Variants in JHY observed in about 807,000 individuals in gnomAD.
The protein encoded by JHY is jhy protein homolog.
A neutral mutation model predicts 78.0 loss-of-function variants in JHY; 69 were observed. That is an observed-to-expected ratio of 0.88 (90% CI 0.73 to 1.08). The LOEUF is 1.08. JHY is among the 50% of genes least tolerant of loss of function. The probability of loss-of-function intolerance (pLI) is 0.00; values close to 1 mark genes in which losing one functional copy is unlikely to be tolerated. For missense variants in JHY, 944 were observed against 927.8 expected (o/e 1.02, Z -0.23); for synonymous variants, 368 against 342.6 (o/e 1.07, Z -0.82).
rs369637494 is a variant in JHY, at chr11:122,950,638, G to A, written c.1929+3846G>A. Among the ~76,000 whole-genome samples the A allele has an allele frequency of 4.9e-4, 75 of 152,254 alleles. 1 individual carries two copies. In the South Asian group the frequency reaches 0.015, roughly 31 times the overall value. On this transcript the variant is annotated intron_variant, in intron 6 of 8. Coordinates refer to ENST00000227349, the MANE Select transcript of JHY (RefSeq NM_024806.4). Reference sequence around the variant, plus strand: ...TTCTTTCTTTTTGTAGACTTAGTGTGATGTTAAGTGAAATAATGTATTAAA... The same window carrying A: ...TTCTTTCTTTTTGTAGACTTAGTGTAATGTTAAGTGAAATAATGTATTAAA...
At chr11:122,928,649 TTTG>T (rs1362675400) in intron 4 of JHY, among the ~76,000 whole-genome samples, 3 of 152,066 alleles carry the variant, frequency 2.0e-5, no homozygotes, top group Admixed American at 6.5e-5. Flanking sequence ...TTGTTGGTTT[TTTG>T]TTGTTGTTGT....
chr11:122,887,011 T>C (rs1862509171), intron 2 of JHY, among the ~76,000 whole-genome samples: 1 of 152,234 alleles, frequency 6.6e-6, no homozygotes, highest in African/African-American at 2.4e-5. Context: ...ATGTGTGATA[T>C]CACTCTGTTA....
intron 4 of JHY, 121 bp downstream of exon 4, chr11:122,925,131 T>G: frequency 1.3e-6 from 1 of 771,230 alleles, no homozygotes; most frequent in Non-Finnish European, 2.1e-6. Context: ...AATTACCCAC[T>G]TTCCTATGGG....
In JHY at chr11:122,921,976, G is replaced by GA. The variant is rs1555053813; in HGVS notation, c.865-2911dup. Among the ~76,000 whole-genome samples, 149 of 148,028 alleles carry GA rather than the reference G, an allele frequency of 1.0e-3. 1 individual carries two copies. Among genetic ancestry groups the GA allele is most frequent in the African/African-American group, 1.6e-3 (66 of 40,478 alleles). Reference sequence around the variant, plus strand: ...AGCCTGGACCACAGAGCAAGATCTGGAAAAAAAAAAGAGAGAGAAAGAAGA... The same window carrying GA: ...AGCCTGGACCACAGAGCAAGATCTGGAAAAAAAAAAAGAGAGAGAAAGAAGA... On this transcript the variant is annotated intron_variant, in intron 3 of 8. Transcript: ENST00000227349.
intron 5 of JHY, 112 bp from the exon 6 acceptor site, chr11:122,946,381 AATTTG>A (rs1863958450): frequency 9.1e-7 from 1 of 1,104,172 alleles, no homozygotes; most frequent in Non-Finnish European, 1.3e-6. Context: ...AAAGGTCATT[AATTTG>A]ATTTGAGAGT....
At chr11:122,936,450 A>G (rs181362009) in intron 5 of JHY, among the ~76,000 whole-genome samples, 4 of 152,020 alleles carry the variant, frequency 2.6e-5, no homozygotes, top group Non-Finnish European at 5.9e-5. Context: ...CTGATTTTAG[A>G]AAGATTGTTT....
chr11:122,935,197 C>A lies in JHY; in HGVS notation c.1634+122C>A. ...GTGGCTAGGTGAGAAGAAGAGTTCA[C>A]CTAACAACTTCCTTAGCTCTGATTC... On this transcript the variant is annotated intron_variant, in intron 5 of 8. Coordinates refer to ENST00000227349, the MANE Select transcript of JHY (RefSeq NM_024806.4). This position sits in a 1 kb window ranked among gnomAD's most constrained non-coding sequence, Gnocchi z 4.5. 1 of 858,952 alleles carries A rather than the reference C, an allele frequency of 1.2e-6. No homozygotes were observed. Among genetic ancestry groups the A allele is most frequent in the South Asian group, 2.3e-5 (1 of 44,298 alleles). The allele number at this position is 858,952 out of a possible 1,614,324, so 53.2% of individuals were successfully genotyped here. A position where few individuals can be genotyped will look rare whatever the true frequency, so the allele number is the denominator to read the frequency against.
intron 3 of JHY, among the ~76,000 whole-genome samples, chr11:122,908,656 G>A (rs573769029): frequency 6.6e-5 from 10 of 152,176 alleles, no homozygotes; most frequent in Non-Finnish European, 1.3e-4. Context: ...GTGGGTAGGA[G>A]GCGGGAAGCT....
At chr11:122,919,303 A>G (rs946235357) in intron 3 of JHY, among the ~76,000 whole-genome samples, 1 of 149,494 alleles carries the variant, frequency 6.7e-6, no homozygotes, top group Non-Finnish European at 1.5e-5. Context: ...CAGTGAGCCA[A>G]GATTATGCCA....
rs371614304 is a variant in JHY at position 122,886,150 on chromosome 11, C to G, written c.301C>G (p.Arg101Gly). The change falls in exon 2 of 9, where the codon CGC becomes GGC. Residue 101 changes from arginine to glycine, a missense_variant. By Grantham distance (125) the Arg-to-Gly change is moderately radical. Coordinates refer to ENST00000227349, the MANE Select transcript of JHY (RefSeq NM_024806.4). The part of the protein sequence containing the change: ...EASGKAAQMA[R>G]EQNHHTWDQG... ...AAGTGGAAAAGCAGCTCAGATGGCT[C>G]GCGAGCAAAACCACCATACCTGGGA... 6.2e-7 allele frequency: 1 copy of G among 1,613,824 alleles called. No homozygotes were observed. The highest frequency in any genetic ancestry group is 2.2e-5 in the East Asian group (1 of 44,880).
At chr11:122,958,553 T>A (rs11604501) in intron 8 of JHY, 2,474 of 211,474 alleles carry the variant, frequency 0.012, 69 homozygotes, top group African/African-American at 0.055. Flanking sequence ...AGAGGGTTTT[T>A]TTTTCCCCTT....
intron 3 of JHY, among the ~76,000 whole-genome samples, chr11:122,916,085 G>A (rs978968616): frequency 6.6e-6 from 1 of 152,040 alleles, no homozygotes; most frequent in Non-Finnish European, 1.5e-5. Context: ...AAAACATACA[G>A]TTAGATAGAA....
chr11:122,945,737 T>C (rs895637093), intron 5 of JHY, among the ~76,000 whole-genome samples: 6 of 152,222 alleles, frequency 3.9e-5, no homozygotes, highest in Admixed American at 6.5e-5. Flanking sequence ...TTTCCGTGAT[T>C]ATGTGGGTAA....
chr11:122,956,167 A>G (rs1327529372), intron 6 of JHY, among the ~76,000 whole-genome samples: 2 of 151,982 alleles, frequency 1.3e-5, no homozygotes, highest in African/African-American at 4.8e-5. Context: ...AAAAAAAAAA[A>G]AATAAAATAA....
rs569408084 is a variant in JHY, at chr11:122,913,868, G to A, written c.864+9424G>A. On this transcript the variant is annotated intron_variant, in intron 3 of 8. Coordinates refer to ENST00000227349, the MANE Select transcript of JHY (RefSeq NM_024806.4). ...TACAGCAAGCACTAGCTAAATATTT[G>A]ATGAAGAAATGTAATTTTTAAATAC... Among the ~76,000 whole-genome samples the A allele has an allele frequency of 6.4e-3, 976 of 152,224 alleles. 11 individuals are homozygous for A. Among genetic ancestry groups the A allele is most frequent in the African/African-American group, 0.023 (941 of 41,512 alleles).
chr11:122,929,942 C>T (rs986790637), intron 4 of JHY, among the ~76,000 whole-genome samples: 2 of 152,076 alleles, frequency 1.3e-5, no homozygotes, highest in East Asian at 3.9e-4. Flanking sequence ...GTGGCCTGAA[C>T]AGAGCAATTT....
At chr11:122,956,715 G>A in intron 7 of JHY, 139 bp downstream of exon 7, 4 of 592,826 alleles carry the variant, frequency 6.7e-6, no homozygotes, top group South Asian at 2.9e-5. Context: ...AAATAATCTT[G>A]GTATAGAGAC....
At chr11:122,931,749 A>T (rs545329236) in intron 4 of JHY, among the ~76,000 whole-genome samples, 2 of 152,312 alleles carry the variant, frequency 1.3e-5, no homozygotes, top group South Asian at 4.1e-4. Context: ...TCTGGTTGAG[A>T]TCAGAGCAGG....
chr11:122,885,528 A>C (rs1862476493), intron 1 of JHY, among the ~76,000 whole-genome samples: 1 of 152,204 alleles, frequency 6.6e-6, no homozygotes, highest in Admixed American at 6.5e-5. Context: ...TTATTTCATC[A>C]ATAAAACTGC....
Sources: allele counts gnomAD v4.1 joint callset (sites outside exome capture counted in the v4.1 genomes callset), GRCh38; gene constraint gnomAD v4.1.1; non-coding constraint Gnocchi (gnomAD v3.1); transcripts MANE v1.5; gene names NCBI Gene and HGNC (gene_info 2026-07-23, HGNC 2026-07-21).